Variants in SLC25A47 observed in about 807,000 individuals in gnomAD.
SLC25A47 encodes the protein solute carrier family 25 member 47, also known as HCC-down-regulated mitochondrial carrier protein.
SLC25A47 carries 30 observed loss-of-function variants against 29.8 expected under a neutral mutation model. The observed-to-expected ratio is 1.01, with a 90% CI of 0.75 to 1.36. SLC25A47 has a LOEUF of 1.36. Among genes scored for constraint, SLC25A47 ranks in the 40% most tolerant of loss-of-function variants. The pLI is 0.00. For synonymous variants in SLC25A47, 204 were observed against 197.8 expected (o/e 1.03, Z -0.26); for missense variants, 430 against 441.9 (o/e 0.97, Z 0.24).
rs3736951 is a variant in SLC25A47 at position 100,330,064 on chromosome 14, C to T, written c.*419C>T. On this transcript the variant is annotated 3_prime_UTR_variant, in exon 6 of 6. Coordinates refer to ENST00000361529, the MANE Select transcript of SLC25A47 (RefSeq NM_207117.4). Reference sequence around the variant, plus strand: ...CCCCACCACTGTTCCTGTGTCTTCACGAGCTGTCCCTTACAGGCAGGGGCT... The same window carrying T: ...CCCCACCACTGTTCCTGTGTCTTCATGAGCTGTCCCTTACAGGCAGGGGCT... 74,816 of 193,350 alleles carry T rather than the reference C, an allele frequency of 0.39. 17,649 individuals are homozygous for T. The highest frequency in any genetic ancestry group is 0.67 in the South Asian group (6,458 of 9,648). The allele number at this position is 193,350 out of a possible 1,614,324, so 12.0% of individuals were successfully genotyped here. A position where few individuals can be genotyped will look rare whatever the true frequency, so the allele number is the denominator to read the frequency against.
chr14:100,328,640 T>G, intron 4 of SLC25A47, 86 bp from the exon 5 acceptor site: 29 of 1,403,858 alleles, frequency 2.1e-5, no homozygotes, highest in Non-Finnish European at 2.6e-5. Context: ...GAGGTCACCG[T>G]GAGCAACATG....
At chr14:100,329,180 C>A in intron 5 of SLC25A47, 136 bp downstream of exon 5, 1 of 1,212,980 alleles carries the variant, frequency 8.2e-7, no homozygotes, top group Non-Finnish European at 1.1e-6. Flanking sequence ...CTCCTCAGTT[C>A]TCCCAACACC....
chr14:100,329,149 C>A (rs1566825831), intron 5 of SLC25A47, 105 bp downstream of exon 5: 3 of 1,337,494 alleles, frequency 2.2e-6, no homozygotes, highest in Non-Finnish European at 3.0e-6. Context: ...TTGAACTTGG[C>A]CTCCTGCCTC....
chr14:100,327,422 G>A (rs1893362655), intron 4 of SLC25A47, 52 bp downstream of exon 4: 1 of 1,526,248 alleles, frequency 6.6e-7, no homozygotes, highest in Non-Finnish European at 8.8e-7. Flanking sequence ...TGCGGGGTCT[G>A]AGAGGTTATC....
At chr14:100,328,405 C>T (rs1229736020) in intron 4 of SLC25A47, among the ~76,000 whole-genome samples, 1 of 152,274 alleles carries the variant, frequency 6.6e-6, no homozygotes, top group African/African-American at 2.4e-5. Context: ...GCCGCTGCGC[C>T]TGGCCATGGT....
Position 100,329,719 on chromosome 14 carries a change from GTGTGGC to G in SLC25A47, c.*77_*82del. The G allele has an allele frequency of 6.5e-7, 1 of 1,537,704 alleles. No homozygotes were observed. The highest frequency in any genetic ancestry group is 8.7e-7 in the Non-Finnish European group (1 of 1,143,492). Reference sequence around the variant, plus strand: ...TAGTGGCTGGAGGAGGCAAGGGGTAGTGTGGCTGGGTTCGGGACCCCACAGGGCCAT... The same window carrying G: ...TAGTGGCTGGAGGAGGCAAGGGGTAGTGGGTTCGGGACCCCACAGGGCCAT... On this transcript the variant is annotated 3_prime_UTR_variant, in exon 6 of 6. Transcript: ENST00000361529.
rs1462807845 is a variant in SLC25A47 at position 100,329,389 on chromosome 14, G to C, written c.671G>C (p.Gly224Ala). The stretch of plus-strand genomic sequence containing the variant: ...GATGTCCCGGGCGTGCTGGTGGCCG[G>C]GGGCTGTGCAGGAGTCCTGGCCTGG... The part of the protein sequence containing the change: ...RPDVPGVLVA[G>A]GCAGVLAWAV... The change falls in exon 6 of 6, where the codon GGG becomes GCG. Residue 224 changes from glycine to alanine, a missense_variant. By Grantham distance (60) the Gly-to-Ala change is moderately conservative. Transcript: ENST00000361529. The C allele has an allele frequency of 6.2e-7, 1 of 1,608,118 alleles. No homozygotes were observed. Among genetic ancestry groups the C allele is most frequent in the Admixed American group, 1.7e-5 (1 of 59,658 alleles).
chr14:100,325,465 G>C (rs137900253), intron 1 of SLC25A47, among the ~76,000 whole-genome samples: 6 of 152,226 alleles, frequency 3.9e-5, no homozygotes, highest in Admixed American at 3.9e-4. Context: ...CGTTCTCTCA[G>C]AGCATGACGC....
At chr14:100,326,611 T>G (rs985319828) in intron 3 of SLC25A47, among the ~76,000 whole-genome samples, 2 of 152,128 alleles carry the variant, frequency 1.3e-5, no homozygotes, top group Admixed American at 6.5e-5. Context: ...TTCTCCTACG[T>G]GGACTTGGGG....
intron 1 of SLC25A47, 47 bp downstream of exon 1, chr14:100,323,489 G>A (rs1222653814): frequency 1.2e-6 from 2 of 1,609,926 alleles, no homozygotes; most frequent in Non-Finnish European, 1.7e-6. Context: ...GCTCCTGGGG[G>A]TAGCAGGAGG....
chr14:100,327,063 C>T (rs568325662), intron 3 of SLC25A47, 125 bp from the exon 4 acceptor site: 2 of 910,958 alleles, frequency 2.2e-6, no homozygotes, highest in African/African-American at 1.7e-5. Context: ...AAACTGAGGC[C>T]CTGAGGCCGT....
At position 100,327,268 on chromosome 14, in the gene SLC25A47, C is replaced by T. The variant is rs1312105464; in HGVS notation, c.225C>T (p.Arg75=). The T allele has an allele frequency of 6.2e-7, 1 of 1,607,892 alleles. No homozygotes were observed. Among genetic ancestry groups the T allele is most frequent in the African/African-American group, 1.3e-5 (1 of 75,062 alleles). ...LVSSVSFGTY[R]HCLAHICRLR... Reference sequence around the variant, plus strand: ...CTTCCGTGTCTTTTGGCACCTACCGCCACTGCCTGGCGCACATCTGCCGGC... The same window carrying T: ...CTTCCGTGTCTTTTGGCACCTACCGTCACTGCCTGGCGCACATCTGCCGGC... The change falls in exon 4 of 6, where the codon CGC becomes CGT. Residue 75 remains arginine (R), a synonymous_variant. Coordinates refer to ENST00000361529, the MANE Select transcript of SLC25A47 (RefSeq NM_207117.4).
intron 1 of SLC25A47, among the ~76,000 whole-genome samples, chr14:100,324,144 T>C (rs2139843026): frequency 6.6e-6 from 1 of 152,194 alleles, no homozygotes; most frequent in Non-Finnish European, 1.5e-5. Flanking sequence ...TCAGTACTTC[T>C]GGAAACAGCA....
chr14:100,327,470 C>T, intron 4 of SLC25A47, 100 bp downstream of exon 4: 1 of 1,320,714 alleles, frequency 7.6e-7, no homozygotes, highest in Non-Finnish European at 1.0e-6. Flanking sequence ...TTGATGAGGG[C>T]AGACACTGGA....
intron 5 of SLC25A47, 60 bp from the exon 6 acceptor site, chr14:100,329,305 G>A: frequency 6.5e-7 from 1 of 1,526,942 alleles, no homozygotes; most frequent in Non-Finnish European, 8.7e-7. Flanking sequence ...TGAGTCCAGG[G>A]TGCGCTGCCC....
At chr14:100,325,618 C>T (rs927962219) in intron 1 of SLC25A47, among the ~76,000 whole-genome samples, 170 bp from the exon 2 acceptor site, 2 of 152,206 alleles carry the variant, frequency 1.3e-5, no homozygotes, top group Non-Finnish European at 1.5e-5. Context: ...ATCTCTAAAA[C>T]GGGGGTGCCC....
chr14:100,326,803 G>A (rs112193224), intron 3 of SLC25A47, among the ~76,000 whole-genome samples: 3 of 152,280 alleles, frequency 2.0e-5, no homozygotes, highest in African/African-American at 4.8e-5. Context: ...GTGAAACCCC[G>A]TCTCTACTAA....
At chr14:100,327,871 A>G (rs900703750) in intron 4 of SLC25A47, among the ~76,000 whole-genome samples, 1 of 152,214 alleles carries the variant, frequency 6.6e-6, no homozygotes, top group African/African-American at 2.4e-5. Flanking sequence ...AGCCAGCTGG[A>G]GCAGCCCAGC....
In SLC25A47 at chr14:100,325,825, G is replaced by A. The variant is rs199576545; in HGVS notation, c.66G>A (p.Thr22=). ...CGVAVGYPLD[T]VKVRIQTEPK... Reference sequence around the variant, plus strand: ...TTGCTGTGGGCTACCCCCTGGACACGGTGAAGGTGCGGCAATAGCCAGCCC... The same window carrying A: ...TTGCTGTGGGCTACCCCCTGGACACAGTGAAGGTGCGGCAATAGCCAGCCC... The change falls in exon 2 of 6, where the codon ACG becomes ACA. Residue 22 remains threonine (T), a synonymous_variant. Transcript: ENST00000361529. 14 of 1,612,336 alleles carry A rather than the reference G, an allele frequency of 8.7e-6. 1 individual carries two copies. In the Admixed American group the frequency reaches 1.0e-4, roughly 12 times the overall value.
Sources: gnomAD v4.1 joint callset for allele counts (sites outside exome capture counted in the v4.1 genomes callset) on GRCh38, gnomAD v4.1.1 for gene constraint, MANE v1.5 for transcripts, NCBI Gene and HGNC (gene_info 2026-07-23, HGNC 2026-07-21) for gene names.